Variants in PRTFDC1 observed in about 807,000 individuals in gnomAD.
PRTFDC1 encodes the protein phosphoribosyltransferase domain-containing protein 1.
In PRTFDC1, 38 loss-of-function variants were observed where a neutral mutation model predicts 34.6. That is an observed-to-expected ratio of 1.10 (90% CI 0.85 to 1.44). The LOEUF is 1.44. Ranked by LOEUF, PRTFDC1 falls within the 40% of genes most tolerant of loss-of-function variation. PRTFDC1 has a pLI of 0.00. For synonymous variants in PRTFDC1, 93 were observed against 98.1 expected (o/e 0.95, Z 0.31); for missense variants, 270 against 283.0 (o/e 0.95, Z 0.33).
intron 3 of PRTFDC1, among the ~76,000 whole-genome samples, chr10:24,876,782 C>A (rs1027526644): frequency 6.6e-6 from 1 of 152,036 alleles, no homozygotes; most frequent in Non-Finnish European, 1.5e-5. Flanking sequence ...CTCCTGGCCC[C>A]AAGCAAACCT....
intron 3 of PRTFDC1, among the ~76,000 whole-genome samples, chr10:24,888,221 T>A (rs1848202392): frequency 6.6e-6 from 1 of 152,146 alleles, no homozygotes; most frequent in South Asian, 2.1e-4. Flanking sequence ...TTTACACCTA[T>A]CTCCTTAAAG....
chr10:24,875,846 GTTTTTTTTTTTTT>G (rs61379088), intron 3 of PRTFDC1, among the ~76,000 whole-genome samples: 4 of 96,732 alleles, frequency 4.1e-5, no homozygotes, highest in African/African-American at 1.3e-4. Flanking sequence ...AATTCTCATA[GTTTTTTTTTTTTT>G]TTTTTTTTTT....
At chr10:24,900,410 T>G (rs1848430689) in intron 3 of PRTFDC1, among the ~76,000 whole-genome samples, 1 of 152,238 alleles carries the variant, frequency 6.6e-6, no homozygotes, top group African/African-American at 2.4e-5. Flanking sequence ...GGGTGATATT[T>G]TACCCTTAGG....
At chr10:24,923,630 A>G (rs187766265) in intron 3 of PRTFDC1, among the ~76,000 whole-genome samples, 73 of 152,330 alleles carry the variant, frequency 4.8e-4, no homozygotes, top group African/African-American at 1.7e-3. Context: ...CATCCACACC[A>G]AAACCCCATC....
chr10:24,950,343 G>A (rs1849320647), intron 1 of PRTFDC1, among the ~76,000 whole-genome samples: 1 of 151,902 alleles, frequency 6.6e-6, no homozygotes, highest in African/African-American at 2.4e-5. Flanking sequence ...TATACTTCCT[G>A]GTTGAGCATC....
intron 4 of PRTFDC1, among the ~76,000 whole-genome samples, chr10:24,867,054 G>C (rs1178204265): frequency 1.3e-5 from 2 of 151,594 alleles, no homozygotes; most frequent in Non-Finnish European, 2.9e-5. Flanking sequence ...GAGAGAGAGA[G>C]AGAGGGCTGT....
intron 1 of PRTFDC1, among the ~76,000 whole-genome samples, chr10:24,949,742 T>TA (rs61701972): frequency 0.19 from 18,770 of 99,832 alleles, 1,842 homozygotes; most frequent in African/African-American, 0.33. Context: ...TTTATTTATT[T>TA]TTTTTTTTTT....
chr10:24,898,299 A>AAAC lies in PRTFDC1; in HGVS notation c.340-26237_340-26236insGTT, dbSNP rs1396580805. Among the ~76,000 whole-genome samples the AAAC allele has an allele frequency of 3.3e-5, 5 of 150,926 alleles. No homozygotes were observed. The East Asian group carries it at 5.9e-4, about 18-fold the overall frequency. On this transcript the variant is annotated intron_variant, in intron 3 of 8. Coordinates refer to ENST00000320152, the MANE Select transcript of PRTFDC1 (RefSeq NM_020200.7). ...ATCCCGTCTCTACAAAAAAAAAAAA[A>AAAC]AAAAAAACACAAAAATTAGCTGGGC...
chr10:24,921,416 C>T (rs573699786), intron 3 of PRTFDC1, among the ~76,000 whole-genome samples: 1 of 152,176 alleles, frequency 6.6e-6, no homozygotes, highest in African/African-American at 2.4e-5. Flanking sequence ...GGTCCTTCAA[C>T]AGGGACTCCT....
chr10:24,919,939 G>A (rs1415945671), intron 3 of PRTFDC1, among the ~76,000 whole-genome samples: 1 of 152,106 alleles, frequency 6.6e-6, no homozygotes, highest in African/African-American at 2.4e-5. Flanking sequence ...TCTCATGCCA[G>A]TCAGAATGGT....
intron 3 of PRTFDC1, among the ~76,000 whole-genome samples, chr10:24,898,284 T>C (rs1195553994): frequency 1.6e-4 from 4 of 24,360 alleles, no homozygotes; most frequent in Admixed American, 5.6e-4. Context: ...ATCCCGTCTC[T>C]ACAAAAAAAA....
chr10:24,913,303 C>T (rs769034752), intron 3 of PRTFDC1, among the ~76,000 whole-genome samples: 7 of 152,304 alleles, frequency 4.6e-5, no homozygotes, highest in South Asian at 2.1e-4. Flanking sequence ...CAAGGAATAA[C>T]GTCAGGCAGT....
intron 3 of PRTFDC1, among the ~76,000 whole-genome samples, chr10:24,918,737 C>A (rs922743096): frequency 6.6e-6 from 1 of 152,122 alleles, no homozygotes; most frequent in African/African-American, 2.4e-5. Context: ...TTTCAATAGA[C>A]GTTCCAAGAC....
intron 3 of PRTFDC1, among the ~76,000 whole-genome samples, chr10:24,872,807 T>TATATATATATATATA (rs1491555567): frequency 1.1e-4 from 9 of 83,354 alleles, no homozygotes; most frequent in African/African-American, 6.9e-4. Context: ...TATATATATA[T>TATATATATATATATA]TTTTTTTTTT....
At chr10:24,925,571 A>G (rs1848858554) in intron 3 of PRTFDC1, among the ~76,000 whole-genome samples, 2 of 152,224 alleles carry the variant, frequency 1.3e-5, no homozygotes, top group Admixed American at 1.3e-4. Flanking sequence ...TATTTTTTGT[A>G]TATATACATA....
At chr10:24,908,832 T>C in intron 3 of PRTFDC1, 1 of 1,296,202 alleles carries the variant, frequency 7.7e-7, no homozygotes. Flanking sequence ...AAATAGCCCA[T>C]TTGATTCCAG....
At chr10:24,887,157 A>C (rs1848182801) in intron 3 of PRTFDC1, among the ~76,000 whole-genome samples, 1 of 149,530 alleles carries the variant, frequency 6.7e-6, no homozygotes, top group Non-Finnish European at 1.5e-5. Context: ...TTTTTAGTAG[A>C]GACGGGGTTT....
At chr10:24,909,277 A>C (rs952028198) in intron 3 of PRTFDC1, among the ~76,000 whole-genome samples, 3 of 152,172 alleles carry the variant, frequency 2.0e-5, no homozygotes, top group African/African-American at 7.2e-5. Flanking sequence ...TGAGACTTTC[A>C]TCTCAAAAAA....
intron 4 of PRTFDC1, 40 bp downstream of exon 4, chr10:24,871,958 C>T: frequency 6.4e-7 from 1 of 1,555,166 alleles, no homozygotes; most frequent in South Asian, 1.1e-5. Context: ...CCGATGCCCC[C>T]AGACCTCAAT....
Sources: allele counts gnomAD v4.1 joint callset (sites outside exome capture counted in the v4.1 genomes callset), GRCh38; gene constraint gnomAD v4.1.1; transcripts MANE v1.5; gene names NCBI Gene and HGNC (gene_info 2026-07-23, HGNC 2026-07-21).